The following PCLO variants were observed in gnomAD, a reference collection of about 807,000 sequenced individuals.
The protein encoded by PCLO is protein piccolo.
A neutral mutation model predicts 427.5 loss-of-function variants in PCLO; 82 were observed. The observed-to-expected ratio is 0.19, with a 90% CI of 0.16 to 0.23. The LOEUF (loss-of-function observed/expected upper bound fraction) is 0.23, where lower values mean the gene tolerates loss of function less well. Ranked by LOEUF, PCLO falls within the 10% of genes least tolerant of loss-of-function variation. The pLI is 1.00. For synonymous variants in PCLO, 2,357 were observed against 2,155.4 expected (o/e 1.09, Z -2.59); for missense variants, 6,239 against 6,115.9 (o/e 1.02, Z -0.67).
chr7:83,037,657 AAAG>A (rs1257861409), intron 3 of PCLO, among the ~76,000 whole-genome samples: 1 of 151,514 alleles, frequency 6.6e-6, no homozygotes, highest in East Asian at 2.0e-4. Context: ...TATAGTAAAT[AAAG>A]AAGAAGAGGC....
chr7:83,084,339 T>G (rs1234858156), intron 3 of PCLO, among the ~76,000 whole-genome samples: 1 of 152,092 alleles, frequency 6.6e-6, no homozygotes, highest in Admixed American at 6.6e-5. Flanking sequence ...AAAAAAATCT[T>G]TGAAGCCCGG....
intron 18 of PCLO, among the ~76,000 whole-genome samples, chr7:82,826,325 C>T (rs1338028482): frequency 6.6e-6 from 1 of 152,042 alleles, no homozygotes; most frequent in Non-Finnish European, 1.5e-5. Flanking sequence ...CTCATTTGGA[C>T]TCACAGTATG....
intron 9 of PCLO, among the ~76,000 whole-genome samples, chr7:82,890,199 G>C (rs945868940): frequency 1.3e-5 from 2 of 151,994 alleles, no homozygotes; most frequent in Non-Finnish European, 2.9e-5. Flanking sequence ...GGAAAGCAGA[G>C]TAACAAAAAT....
intron 6 of PCLO, among the ~76,000 whole-genome samples, chr7:82,928,586 G>A (rs1211566871): frequency 1.3e-5 from 2 of 152,110 alleles, no homozygotes; most frequent in South Asian, 2.1e-4. Flanking sequence ...GTTTCACCAT[G>A]TTGGTCTCGA....
intron 6 of PCLO, among the ~76,000 whole-genome samples, chr7:82,919,175 G>A (rs1054643907): frequency 6.6e-5 from 10 of 151,902 alleles, no homozygotes; most frequent in African/African-American, 1.9e-4. Flanking sequence ...ACCATGGCAC[G>A]TGTATACCTA....
At chr7:83,052,758 G>A (rs772507631) in intron 3 of PCLO, among the ~76,000 whole-genome samples, 9 of 151,864 alleles carry the variant, frequency 5.9e-5, no homozygotes, top group Admixed American at 2.0e-4. Flanking sequence ...TAATCTTGAC[G>A]ACTTTCCCTC....
chr7:83,040,725 C>T (rs1788953411), intron 3 of PCLO, among the ~76,000 whole-genome samples: 1 of 152,038 alleles, frequency 6.6e-6, no homozygotes. Context: ...CTTCTCCATA[C>T]TCTATTACAA....
At position 82,826,537 on chromosome 7, in the gene PCLO, A is replaced by T. The variant is rs141470038; in HGVS notation, c.14415+52T>A. ...AGAAACATGCTTTGCATCGTGCTTT[A>T]ATTGGTGGTTTACCATAGCAGCAAA... On this transcript the variant is annotated intron_variant, in intron 18 of 24. Coordinates refer to ENST00000333891, the MANE Select transcript of PCLO (RefSeq NM_033026.6). The T allele has an allele frequency of 2.8e-4, 336 of 1,181,968 alleles. 1 individual carries two copies. The East Asian group carries it at 7.8e-3, about 27-fold the overall frequency. The allele number at this position is 1,181,968 out of a possible 1,614,324, so 73.2% of individuals were successfully genotyped here.
chr7:82,754,692 CAT>C lies in PCLO; in HGVS notation c.*3881_*3882del, dbSNP rs907549987. On this transcript the variant is annotated 3_prime_UTR_variant, in exon 25 of 25. Coordinates refer to ENST00000333891, the MANE Select transcript of PCLO (RefSeq NM_033026.6). The stretch of plus-strand genomic sequence containing the variant: ...ATACCTTTAATAATAGAACATGAAA[CAT>C]ACAGAAAACAGCATTGTATCATATT... The C allele has an allele frequency of 6.6e-6, 1 of 151,978 alleles. No homozygotes were observed. The highest frequency in any genetic ancestry group is 1.5e-5 in the Non-Finnish European group (1 of 67,948). 9.4% of individuals were successfully genotyped at this position (151,978 alleles called of 1,614,324 possible).
Position 82,952,225 on chromosome 7 carries a change from C to G in PCLO, c.8728G>C (p.Val2910Leu), listed in dbSNP as rs547500251. 1 of 1,613,772 alleles carries G rather than the reference C, an allele frequency of 6.2e-7. No individual in the cohort carries two copies. Among genetic ancestry groups the G allele is most frequent in the East Asian group, 2.2e-5 (1 of 44,870 alleles). The change falls in exon 5 of 25, where the codon GTA (valine) becomes CTA (leucine). Residue 2910 changes from valine to leucine, a missense_variant. Physicochemically the swap from Val to Leu is conservative, Grantham distance 32 (BLOSUM62 1). Coordinates refer to ENST00000333891, the MANE Select transcript of PCLO (RefSeq NM_033026.6). ...LSTTKSHRTVVTMDESTSSVM... is the reference protein window; with the variant it reads ...LSTTKSHRTVLTMDESTSSVM... Reference sequence around the variant, plus strand: ...CTTGAAGTAGACTCATCCATTGTTACGACTGTTCTGTGAGACTTGGTTGTA... The same window carrying G: ...CTTGAAGTAGACTCATCCATTGTTAGGACTGTTCTGTGAGACTTGGTTGTA...
At chr7:83,009,257 TACCAAATG>T (rs1788021282) in intron 3 of PCLO, among the ~76,000 whole-genome samples, 1 of 151,842 alleles carries the variant, frequency 6.6e-6, no homozygotes, top group Admixed American at 6.6e-5. Flanking sequence ...ATTTCACTAG[TACCAAATG>T]AACTCATTGG....
chr7:83,012,286 G>A (rs1788099916), intron 3 of PCLO, among the ~76,000 whole-genome samples: 3 of 152,146 alleles, frequency 2.0e-5, no homozygotes, highest in Middle Eastern at 3.4e-3. Context: ...TTGTTACTTG[G>A]AGGAAATAGG....
chr7:82,799,630 T>C (rs1175024823), intron 22 of PCLO, among the ~76,000 whole-genome samples: 1 of 152,106 alleles, frequency 6.6e-6, no homozygotes, highest in East Asian at 1.9e-4. Context: ...TTTCCAGACC[T>C]CTCCGTCAAC....
At chr7:83,108,696 C>T (rs12707559) in intron 3 of PCLO, among the ~76,000 whole-genome samples, 78,337 of 151,644 alleles carry the variant, frequency 0.52, 20,791 homozygotes, top group African/African-American at 0.64. Context: ...TTGTAAACTA[C>T]ATTCCACCTC....
chr7:82,813,154 A>C (rs1256470775), intron 20 of PCLO, among the ~76,000 whole-genome samples: 2 of 151,708 alleles, frequency 1.3e-5, no homozygotes, highest in Non-Finnish European at 3.0e-5. Flanking sequence ...GTTTGTTTTC[A>C]TATTATTCCA....
chr7:83,126,412 CT>C (rs1439741214), intron 3 of PCLO, among the ~76,000 whole-genome samples: 1 of 151,996 alleles, frequency 6.6e-6, no homozygotes, highest in East Asian at 1.9e-4. Flanking sequence ...ATGAGAAATG[CT>C]TGAGCTGACA....
chr7:83,139,103 A>T (rs551203463), intron 2 of PCLO, among the ~76,000 whole-genome samples: 1 of 152,194 alleles, frequency 6.6e-6, no homozygotes, highest in Non-Finnish European at 1.5e-5. Context: ...ATATTTTCTA[A>T]CAGAACTTTC....
intron 9 of PCLO, among the ~76,000 whole-genome samples, chr7:82,880,690 G>A (rs1793485566): frequency 6.6e-6 from 1 of 152,140 alleles, no homozygotes; most frequent in Non-Finnish European, 1.5e-5. Context: ...ACAATGCACA[G>A]GGTATCTTCC....
intron 11 of PCLO, 66 bp from the exon 12 acceptor site, chr7:82,846,700 C>A: frequency 9.8e-7 from 1 of 1,019,686 alleles, no homozygotes; most frequent in Non-Finnish European, 1.5e-6. Context: ...CACTTTTTTC[C>A]AACTACCCTT....
Sources: allele counts gnomAD v4.1 joint callset (sites outside exome capture counted in the v4.1 genomes callset), GRCh38; gene constraint gnomAD v4.1.1; transcripts MANE v1.5; gene names NCBI Gene and HGNC (gene_info 2026-07-23, HGNC 2026-07-21).